The following GULP1 variants were observed in gnomAD, a reference collection of about 807,000 sequenced individuals.
GULP1 encodes GULP PTB domain containing engulfment adaptor 1.
GULP1 carries 19 observed loss-of-function variants against 40.9 expected under a neutral mutation model. That is an observed-to-expected ratio of 0.46 (90% CI 0.32 to 0.68). The LOEUF (loss-of-function observed/expected upper bound fraction) is 0.68. Among genes scored for constraint, GULP1 ranks in the 30% least tolerant of loss-of-function variants. GULP1 has a pLI of 0.03. For missense variants in GULP1, 312 were observed against 362.2 expected (o/e 0.86, Z 1.12); for synonymous variants, 119 against 117.6 (o/e 1.01, Z -0.08).
At chr2:188,577,672 A>G (rs1273978424) in intron 9 of GULP1, among the ~76,000 whole-genome samples, 1 of 152,116 alleles carries the variant, frequency 6.6e-6, no homozygotes, top group East Asian at 1.9e-4. Flanking sequence ...AACTTGAAAG[A>G]TTCTTGTGAA....
At chr2:188,483,124 A>G (rs554724126) in intron 3 of GULP1, among the ~76,000 whole-genome samples, 1 of 152,166 alleles carries the variant, frequency 6.6e-6, no homozygotes, top group African/African-American at 2.4e-5. Context: ...CTTGTTTTAA[A>G]TCACAAATGA....
chr2:188,348,486 AT>A (rs1310218814), intron 1 of GULP1, among the ~76,000 whole-genome samples: 1 of 152,176 alleles, frequency 6.6e-6, no homozygotes, highest in African/African-American at 2.4e-5. Context: ...GTTCCTGTAG[AT>A]TAAACATATA....
intron 2 of GULP1, among the ~76,000 whole-genome samples, chr2:188,475,902 G>T (rs979810493): frequency 1.3e-5 from 2 of 152,096 alleles, no homozygotes; most frequent in African/African-American, 4.8e-5. Flanking sequence ...GAGAAGTACA[G>T]TAATTGAAAA....
chr2:188,343,703 T>C (rs2043257222), intron 1 of GULP1, among the ~76,000 whole-genome samples: 1 of 152,218 alleles, frequency 6.6e-6, no homozygotes, highest in African/African-American at 2.4e-5. Flanking sequence ...GATAATCTCA[T>C]TATTTCCTCA....
In GULP1 at chr2:188,345,097, T is replaced by C. The variant is rs571093186; in HGVS notation, c.-171-38666T>C. Among the ~76,000 whole-genome samples the C allele has an allele frequency of 9.2e-5, 14 of 152,320 alleles. No homozygotes were observed. In the South Asian group the frequency reaches 2.9e-3, roughly 32 times the overall value. On this transcript the variant is annotated intron_variant, in intron 1 of 11. Coordinates refer to ENST00000409830, the MANE Select transcript of GULP1 (RefSeq NM_016315.4). ...ACTTCAGGCTCTGACAAAGGTACACTTTTTGCTAACTAAGTGTGGTTTTGA... is the reference window on the plus strand; with the variant it reads ...ACTTCAGGCTCTGACAAAGGTACACCTTTTGCTAACTAAGTGTGGTTTTGA...
At chr2:188,580,205 A>T (rs1700971739) in intron 9 of GULP1, among the ~76,000 whole-genome samples, 1 of 152,344 alleles carries the variant, frequency 6.6e-6, no homozygotes, top group South Asian at 2.1e-4. Context: ...ACAAAAACAG[A>T]TTTTAAAAAT....
At chr2:188,559,581 G>T (rs531964284) in intron 7 of GULP1, among the ~76,000 whole-genome samples, 1 of 152,172 alleles carries the variant, frequency 6.6e-6, no homozygotes, top group Non-Finnish European at 1.5e-5. Flanking sequence ...CAGGCTCATA[G>T]GCAGAAGAGA....
At chr2:188,477,252 C>G (rs1207940476) in intron 2 of GULP1, among the ~76,000 whole-genome samples, 1 of 152,076 alleles carries the variant, frequency 6.6e-6, no homozygotes, top group Admixed American at 6.6e-5. Flanking sequence ...AGTATATCAC[C>G]TGTCTTTGTG....
chr2:188,573,071 C>G (rs1408803584), intron 9 of GULP1, among the ~76,000 whole-genome samples: 1 of 151,998 alleles, frequency 6.6e-6, no homozygotes, highest in Non-Finnish European at 1.5e-5. Context: ...AACTCAAGAG[C>G]ATTTTAAAAT....
intron 1 of GULP1, among the ~76,000 whole-genome samples, chr2:188,373,096 A>G (rs1307498206): frequency 6.6e-6 from 1 of 151,796 alleles, no homozygotes; most frequent in Non-Finnish European, 1.5e-5. Flanking sequence ...ATATATATAT[A>G]TATTTATAAT....
At chr2:188,399,218 C>A (rs1000447507) in intron 2 of GULP1, among the ~76,000 whole-genome samples, 1 of 152,124 alleles carries the variant, frequency 6.6e-6, no homozygotes, top group Admixed American at 6.5e-5. Context: ...TGAAACAGTT[C>A]TCAGAAAAGA....
intron 1 of GULP1, among the ~76,000 whole-genome samples, chr2:188,316,038 G>A (rs2039024286): frequency 6.6e-6 from 1 of 151,996 alleles, no homozygotes; most frequent in Admixed American, 6.6e-5. Flanking sequence ...TAATGATGGC[G>A]ATTACCATTT....
intron 4 of GULP1, among the ~76,000 whole-genome samples, chr2:188,494,880 C>T (rs2062755007): frequency 6.6e-6 from 1 of 151,894 alleles, no homozygotes; most frequent in Non-Finnish European, 1.5e-5. Context: ...TGAACATACA[C>T]AGACTCCACT....
At chr2:188,466,292 T>TC (rs138871908) in intron 2 of GULP1, among the ~76,000 whole-genome samples, 9,291 of 148,054 alleles carry the variant, frequency 0.063, 979 homozygotes, top group African/African-American at 0.22. Context: ...GGTTTTTTTT[T>TC]CCCCCCCCGG....
chr2:188,512,114 A>G (rs1243723856), intron 4 of GULP1, among the ~76,000 whole-genome samples: 1 of 152,162 alleles, frequency 6.6e-6, no homozygotes, highest in Admixed American at 6.6e-5. Flanking sequence ...GCTTACTCCT[A>G]TATAGCTTAT....
intron 1 of GULP1, among the ~76,000 whole-genome samples, chr2:188,312,035 C>T (rs1225268242): frequency 6.6e-6 from 1 of 151,852 alleles, no homozygotes; most frequent in East Asian, 1.9e-4. Flanking sequence ...TCTAACTACA[C>T]TTGTAGTGAG....
chr2:188,468,798 A>G (rs1004707919), intron 2 of GULP1, among the ~76,000 whole-genome samples: 1 of 152,196 alleles, frequency 6.6e-6, no homozygotes, highest in Non-Finnish European at 1.5e-5. Flanking sequence ...TAGGTACGAG[A>G]GACTTTATTG....
intron 2 of GULP1, among the ~76,000 whole-genome samples, chr2:188,428,573 A>G (rs1438376499): frequency 6.6e-6 from 1 of 152,114 alleles, no homozygotes; most frequent in African/African-American, 2.4e-5. Context: ...TTAAAAGTGT[A>G]TGGCACCTCG....
intron 2 of GULP1, among the ~76,000 whole-genome samples, chr2:188,402,311 A>G (rs916306565): frequency 1.3e-5 from 2 of 151,930 alleles, no homozygotes; most frequent in Non-Finnish European, 2.9e-5. Context: ...ATTTGCTTTG[A>G]CTCCTCAATA....
Sources: gnomAD v4.1 joint callset for allele counts (sites outside exome capture counted in the v4.1 genomes callset) on GRCh38, gnomAD v4.1.1 for gene constraint, MANE v1.5 for transcripts, NCBI Gene and HGNC (gene_info 2026-07-23, HGNC 2026-07-21) for gene names.